ZC3H12B: variants seen among roughly 807,000 people sequenced by gnomAD.
ZC3H12B encodes zinc finger CCCH-type containing 12B.
In ZC3H12B, 7 loss-of-function variants were observed where a neutral mutation model predicts 43.9. That is an observed-to-expected ratio of 0.16 (90% CI 0.09 to 0.30). The LOEUF is 0.30. Among genes scored for constraint, ZC3H12B ranks in the 10% least tolerant of loss-of-function variants. ZC3H12B has a pLI of 1.00. For missense variants in ZC3H12B, 475 were observed against 670.2 expected (o/e 0.71, Z 3.22); for synonymous variants, 222 against 241.7 (o/e 0.92, Z 0.76).
chrX:65,169,546 A>T, the ZC3H12B span, among the ~76,000 whole-genome samples: 1 of 111,979 alleles, frequency 8.9e-6, no homozygotes, highest in Non-Finnish European at 1.9e-5. Context: ...GATGTCTATT[A>T]GATCTGCTTA....
intron 3 of ZC3H12B, among the ~76,000 whole-genome samples, chrX:65,479,540 G>A (rs2068038529): frequency 9.1e-6 from 1 of 110,373 alleles, no homozygotes; most frequent in African/African-American, 3.3e-5. Context: ...GCTAATTTTT[G>A]TATTTTTAGT....
the ZC3H12B span, among the ~76,000 whole-genome samples, chrX:65,162,515 T>A: frequency 1.8e-5 from 2 of 111,955 alleles, no homozygotes; most frequent in African/African-American, 6.5e-5. Context: ...ATTTCATTCA[T>A]TTCATCTTTC....
chrX:65,451,158 C>T (rs1050379270), intron 3 of ZC3H12B, among the ~76,000 whole-genome samples: 1 of 110,166 alleles, frequency 9.1e-6, no homozygotes, highest in Non-Finnish European at 1.9e-5. Context: ...CCGTGTTAGC[C>T]AAGCTGGTCT....
chrX:65,268,504 A>G, the ZC3H12B span, among the ~76,000 whole-genome samples: 1 of 112,362 alleles, frequency 8.9e-6, no homozygotes, highest in East Asian at 2.8e-4. Flanking sequence ...TTGATGCAAA[A>G]ATTCTCAATG....
intron 2 of ZC3H12B, among the ~76,000 whole-genome samples, chrX:65,378,373 A>G (rs1181195500): frequency 9.0e-6 from 1 of 111,711 alleles, no homozygotes; most frequent in Non-Finnish European, 1.9e-5. Context: ...GTTTAGATAA[A>G]GAGTGTTAAG....
chrX:65,279,916 T>C, the ZC3H12B span, among the ~76,000 whole-genome samples: 3 of 112,159 alleles, frequency 2.7e-5, no homozygotes, highest in Non-Finnish European at 5.6e-5. Context: ...GCCAAGGACA[T>C]GAAAAGACAC....
chrX:65,466,207 G>A (rs904219385), intron 3 of ZC3H12B, among the ~76,000 whole-genome samples: 4 of 110,453 alleles, frequency 3.6e-5, no homozygotes, highest in Admixed American at 9.8e-5. Flanking sequence ...CTCTGTTTCC[G>A]TGAGTTTGAC....
At chrX:65,149,905 C>T in the ZC3H12B span, among the ~76,000 whole-genome samples, 1 of 109,665 alleles carries the variant, frequency 9.1e-6, no homozygotes, top group Non-Finnish European at 1.9e-5. Flanking sequence ...TATGAAACCA[C>T]TTAACAATAT....
At chrX:65,339,278 G>A in the ZC3H12B span, among the ~76,000 whole-genome samples, 4 of 111,362 alleles carry the variant, frequency 3.6e-5, no homozygotes, top group African/African-American at 1.3e-4. Context: ...TGAAGTGGGA[G>A]GAAGCTGAGA....
the ZC3H12B span, among the ~76,000 whole-genome samples, chrX:65,089,049 A>C: frequency 8.9e-6 from 1 of 112,067 alleles, no homozygotes; most frequent in Non-Finnish European, 1.9e-5. Context: ...TTTATGGAAC[A>C]AACTTTTTAG....
the ZC3H12B span, among the ~76,000 whole-genome samples, chrX:65,058,727 G>A: frequency 3.6e-5 from 4 of 112,090 alleles, no homozygotes; most frequent in Non-Finnish European, 7.5e-5. Context: ...GCTCCACCCA[G>A]TTCAAGCTTC....
chrX:65,172,396 A>T, the ZC3H12B span, among the ~76,000 whole-genome samples: 1 of 111,728 alleles, frequency 9.0e-6, no homozygotes, highest in South Asian at 3.7e-4. Flanking sequence ...CACTCTGATG[A>T]TAGTTTCCTT....
chrX:65,289,614 C>G, the ZC3H12B span, among the ~76,000 whole-genome samples: 5 of 108,930 alleles, frequency 4.6e-5, no homozygotes, highest in African/African-American at 1.3e-4. Context: ...CTATAGTAAC[C>G]AAAACAGCAT....
Position 65,377,458 on chromosome X carries a change from C to A in ZC3H12B, n.295+8460C>A, listed in dbSNP as rs147839142. Among the ~76,000 whole-genome samples the A allele has an allele frequency of 5.7e-3, 630 of 109,968 alleles. 3 individuals carry two copies. Among genetic ancestry groups the A allele is most frequent in the Admixed American group, 8.5e-3 (87 of 10,237 alleles). ...TAGATTTAACCCAAAGAAGCCTACC[C>A]CAAGGCACTTAATAATCAAACTTCC... On this transcript the variant is annotated intron_variant and non_coding_transcript_variant, in intron 2 of 5. Transcript: ENST00000617377.
chrX:65,193,008 G>A, the ZC3H12B span, among the ~76,000 whole-genome samples: 4 of 110,558 alleles, frequency 3.6e-5, no homozygotes, highest in South Asian at 3.8e-4. Context: ...TCTTGACCTC[G>A]TGATCCACTC....
chrX:65,356,798 C>T, the ZC3H12B span: 1 of 194,499 alleles, frequency 5.1e-6, no homozygotes, highest in Admixed American at 6.9e-5. Flanking sequence ...GAAGAGACAG[C>T]AGGTTAGACA....
intron 3 of ZC3H12B, among the ~76,000 whole-genome samples, chrX:65,472,537 A>G (rs1240752884): frequency 5.5e-5 from 6 of 109,603 alleles, no homozygotes; most frequent in African/African-American, 2.0e-4. Context: ...GTTTTCTTCT[A>G]TAAATTCAGC....
At chrX:65,449,393 C>T (rs767941531) in intron 3 of ZC3H12B, among the ~76,000 whole-genome samples, 16 of 111,102 alleles carry the variant, frequency 1.4e-4, no homozygotes, top group Admixed American at 5.7e-4. Context: ...CCAAGGCGGG[C>T]GGATCACCTG....
At chrX:65,376,969 C>A (rs1383470525) in intron 2 of ZC3H12B, among the ~76,000 whole-genome samples, 1 of 110,735 alleles carries the variant, frequency 9.0e-6, no homozygotes, top group Non-Finnish European at 1.9e-5. Flanking sequence ...TGTGACCTTT[C>A]AGATAGATAA....
Sources: gnomAD v4.1 joint callset for allele counts (sites outside exome capture counted in the v4.1 genomes callset) on GRCh38, gnomAD v4.1.1 for gene constraint, MANE v1.5 for transcripts, NCBI Gene and HGNC (gene_info 2026-07-23, HGNC 2026-07-21) for gene names.